Variants in ZNF469 observed in about 807,000 individuals in gnomAD.
The protein encoded by ZNF469 is zinc finger protein 469.
In ZNF469, 1 loss-of-function variant was observed where a neutral mutation model predicts 1.0. The observed-to-expected ratio is 1.00, with a 90% CI of 0.35 to 4.73. The LOEUF is 4.73. Ranked by LOEUF, ZNF469 falls within the 30% of genes most tolerant of loss-of-function variation. ZNF469 has a pLI of 0.16. For missense variants in ZNF469, 6,100 were observed against 5,356.3 expected, an observed-to-expected ratio of 1.14 and a Z score of -4.33; for synonymous variants, 2,703 against 2,363.4, an observed-to-expected ratio of 1.14 and a Z score of -4.17.
At chr16:88,327,755 G>A in the ZNF469 span, among the ~76,000 whole-genome samples, 24 of 152,260 alleles carry the variant, frequency 1.6e-4, no homozygotes, top group African/African-American at 4.8e-4. Flanking sequence ...CTTAGACCCC[G>A]CACCACAGGT....
rs985390037 is a variant in ZNF469, at chr16:88,432,064, C to T, written c.4594C>T (p.Arg1532Trp). 7.4e-5 allele frequency: 115 copies of T among 1,550,562 alleles called. No individual in the cohort carries two copies. The highest frequency in any genetic ancestry group is 9.6e-5 in the African/African-American group (7 of 73,182). ...KVLSKTCPPE[R>W]TVVPGAAPSL... ...GCTCAGTAAGACGTGTCCCCCTGAACGGACAGTGGTTCCCGGCGCCGCCCC... is the reference window on the plus strand; with the variant it reads ...GCTCAGTAAGACGTGTCCCCCTGAATGGACAGTGGTTCCCGGCGCCGCCCC... Residue 1532 changes from arginine to tryptophan, a missense_variant, in exon 3 of 3, where the codon CGG becomes TGG. Coordinates refer to ENST00000565624, the MANE Select transcript of ZNF469 (RefSeq NM_001367624.2).
At chr16:88,126,616 A>G in the ZNF469 span, among the ~76,000 whole-genome samples, 1 of 112,692 alleles carries the variant, frequency 8.9e-6, no homozygotes, top group Non-Finnish European at 1.9e-5. Flanking sequence ...CCAACTCTGC[A>G]TTTTTGGGAT....
intron 1 of ZNF469, among the ~76,000 whole-genome samples, chr16:88,396,559 G>A (rs1355600469): frequency 1.3e-5 from 2 of 151,116 alleles, no homozygotes; most frequent in Middle Eastern, 3.4e-3. Context: ...CCCTCCTGAA[G>A]GGAGGCCAGA....
chr16:88,210,549 T>C, the ZNF469 span, among the ~76,000 whole-genome samples: 1 of 152,262 alleles, frequency 6.6e-6, no homozygotes, highest in African/African-American at 2.4e-5. Context: ...AGCATTTGTA[T>C]GGTTTAATTT....
upstream of ZNF469, among the ~76,000 whole-genome samples, chr16:88,380,780 ACT>A (rs1329283197): frequency 3.2e-5 from 4 of 125,836 alleles, no homozygotes; most frequent in Non-Finnish European, 6.2e-5. Flanking sequence ...ACACACATGC[ACT>A]CACACACATG....
At chr16:88,302,132 G>T in the ZNF469 span, among the ~76,000 whole-genome samples, 1 of 152,208 alleles carries the variant, frequency 6.6e-6, no homozygotes, top group African/African-American at 2.4e-5. Flanking sequence ...CAGTGGCCCT[G>T]TTCTTCCTGG....
chr16:88,224,426 G>A, the ZNF469 span, among the ~76,000 whole-genome samples: 1 of 152,248 alleles, frequency 6.6e-6, no homozygotes, highest in Non-Finnish European at 1.5e-5. Context: ...TCTTGCCTCT[G>A]TAACATGCGC....
chr16:88,354,977 G>A, the ZNF469 span, among the ~76,000 whole-genome samples: 6 of 152,192 alleles, frequency 3.9e-5, no homozygotes, highest in African/African-American at 7.2e-5. Context: ...AGCCCAGCTC[G>A]TCTCTAGGCC....
At chr16:88,260,393 A>G in the ZNF469 span, among the ~76,000 whole-genome samples, 14 of 152,206 alleles carry the variant, frequency 9.2e-5, no homozygotes, top group East Asian at 5.8e-4. This position sits in a 1 kb window ranked among gnomAD's most constrained non-coding sequence, Gnocchi z 4.1. Context: ...GCAGGTTTCA[A>G]TGAGCTCTGG....
chr16:88,296,672 A>G, the ZNF469 span, among the ~76,000 whole-genome samples: 3 of 151,738 alleles, frequency 2.0e-5, no homozygotes, highest in East Asian at 1.9e-4. Flanking sequence ...TCACACACTC[A>G]TGCACACTCG....
chr16:88,197,523 C>T, the ZNF469 span, among the ~76,000 whole-genome samples: 1 of 152,240 alleles, frequency 6.6e-6, no homozygotes, highest in Middle Eastern at 3.2e-3. Context: ...ATGGCACGAT[C>T]AGTTTGCATT....
At chr16:88,110,094 G>A in the ZNF469 span, among the ~76,000 whole-genome samples, 2 of 152,356 alleles carry the variant, frequency 1.3e-5, no homozygotes, top group South Asian at 4.1e-4. Context: ...CATATAGAAT[G>A]CAAATACTAT....
chr16:88,240,654 C>T, the ZNF469 span, among the ~76,000 whole-genome samples: 1 of 152,070 alleles, frequency 6.6e-6, no homozygotes, highest in South Asian at 2.1e-4. Flanking sequence ...TGGGTATCTG[C>T]CAACCCCAGA....
the ZNF469 span, among the ~76,000 whole-genome samples, chr16:88,145,703 G>A: frequency 3.9e-5 from 6 of 152,216 alleles, no homozygotes; most frequent in African/African-American, 1.2e-4. Context: ...CCTTATTCCC[G>A]ATCCCAGGGG....
At chr16:88,397,678 A>T (rs1222464973) in intron 1 of ZNF469, among the ~76,000 whole-genome samples, 1 of 150,692 alleles carries the variant, frequency 6.6e-6, no homozygotes, top group African/African-American at 2.5e-5. Flanking sequence ...AGATAGATAG[A>T]TAGATGTGAT....
intron 1 of ZNF469, among the ~76,000 whole-genome samples, chr16:88,403,812 T>C (rs111966635): frequency 6.6e-6 from 1 of 152,232 alleles, no homozygotes; most frequent in Non-Finnish European, 1.5e-5. Flanking sequence ...TCTGGATGCC[T>C]CCCGCCCCCA....
intron 1 of ZNF469, among the ~76,000 whole-genome samples, chr16:88,410,651 G>A (rs914551521): frequency 6.7e-6 from 1 of 149,978 alleles, no homozygotes; most frequent in Non-Finnish European, 1.5e-5. Flanking sequence ...TGATGCTGTT[G>A]ATGGTGCAAG....
the ZNF469 span, among the ~76,000 whole-genome samples, chr16:88,377,530 G>C: frequency 2.0e-5 from 3 of 152,214 alleles, no homozygotes; most frequent in East Asian, 1.9e-4. Context: ...AGAAACGCTT[G>C]GGCCGTAGGC....
chr16:88,433,367 C>G lies in ZNF469; in HGVS notation c.5897C>G (p.Thr1966Ser), dbSNP rs1017965796. ...TCCCCAGGGGGTGTGCAGGTGACAA[C>G]TCTCCCTGCAGTGGCCGGACATCAG... ...QGSPGGVQVT[T>S]LPAVAGHQLG... Residue 1966 changes from threonine to serine, a missense_variant, in exon 3 of 3, where the codon ACT (threonine) becomes AGT (serine). Thr to Ser is a moderately conservative substitution (Grantham distance 58). Transcript: ENST00000565624. 3.2e-6 allele frequency: 5 copies of G among 1,550,192 alleles called. No individual in the cohort carries two copies. The highest frequency in any genetic ancestry group is 1.4e-5 in the African/African-American group (1 of 73,046).
Sources: allele counts gnomAD v4.1 joint callset (sites outside exome capture counted in the v4.1 genomes callset), GRCh38; gene constraint gnomAD v4.1.1; non-coding constraint Gnocchi (gnomAD v3.1); transcripts MANE v1.5; gene names NCBI Gene and HGNC (gene_info 2026-07-23, HGNC 2026-07-21).